Variants in TPP1 observed in about 807,000 individuals in gnomAD.
TPP1 encodes tripeptidyl peptidase 1.
A neutral mutation model predicts 67.6 loss-of-function variants in TPP1; 43 were observed. The observed-to-expected ratio is 0.64, with a 90% CI of 0.50 to 0.82. The LOEUF (loss-of-function observed/expected upper bound fraction) is 0.82. TPP1 is among the 40% of genes least tolerant of loss of function. The pLI is 0.00. For synonymous variants in TPP1, 272 were observed against 281.5 expected, an observed-to-expected ratio of 0.97 and a Z score of 0.34; for missense variants, 671 against 710.9, an observed-to-expected ratio of 0.94 and a Z score of 0.64.
At chr11:6,618,271 A>G (rs1186677671) in intron 3 of TPP1, 5 of 326,114 alleles carry the variant, frequency 1.5e-5, no homozygotes, top group South Asian at 1.1e-4. Flanking sequence ...CCTGCTGTGA[A>G]GGGCTTTAAC....
intron 1 of TPP1, 34 bp downstream of exon 1, chr11:6,619,350 G>T (rs766343177): frequency 3.7e-6 from 6 of 1,614,184 alleles, no homozygotes; most frequent in Non-Finnish European, 5.1e-6. Context: ...CCTCCAACGT[G>T]ATCCCTTTCT....
At chr11:6,618,060 A>C (rs1292172767) in intron 3 of TPP1, 1 of 473,474 alleles carries the variant, frequency 2.1e-6, no homozygotes, top group Admixed American at 3.6e-5. Flanking sequence ...AGGTTAATAC[A>C]TATAAATTTT....
In TPP1 at chr11:6,616,076, T is replaced by C. The variant is rs1424116749; in HGVS notation, c.1076-2A>G. ...ACCAACACCCGGCCCCACTGTCACC[T>C]GAGAGAGACCAAGTGTAGCATTCAT... is the stretch of plus-strand genomic sequence containing the variant. On this transcript the variant is annotated splice_acceptor_variant, in intron 8 of 12. Transcript: ENST00000299427. LOFTEE classifies it high-confidence loss of function. 9 of 1,614,178 alleles carry C rather than the reference T, an allele frequency of 5.6e-6. No homozygotes were observed. Among genetic ancestry groups the C allele is most frequent in the African/African-American group, 1.3e-5 (1 of 75,056 alleles).
intron 3 of TPP1, 187 bp downstream of exon 3, chr11:6,618,589 G>T (rs1855619884): frequency 1.3e-6 from 1 of 754,526 alleles, no homozygotes. Context: ...CTAGTAAGTA[G>T]CAGAGTCAGA....
At position 6,614,694 on chromosome 11, in the gene TPP1, G is replaced by A; in HGVS notation, c.1552-8C>T. ...ATGGCAGCCACGGGTTACCTAGGGA[G>A]GAGGCTGGCATCAGATCTGGGCCTA... On this transcript the variant is annotated splice_region_variant and splice_polypyrimidine_tract_variant and intron_variant, in intron 12 of 12. Coordinates refer to ENST00000299427, the MANE Select transcript of TPP1 (RefSeq NM_000391.4). 6.2e-7 allele frequency: 1 copy of A among 1,614,134 alleles called. No homozygotes were observed. The highest frequency in any genetic ancestry group is 8.5e-7 in the Non-Finnish European group (1 of 1,180,028).
chr11:6,618,853 A>C lies in TPP1; in HGVS notation c.152T>G (p.Phe51Cys). Residue 51 changes from phenylalanine (F) to cysteine (C), a missense_variant, in exon 3 of 13, where the codon TTT becomes TGT. Coordinates refer to ENST00000299427, the MANE Select transcript of TPP1 (RefSeq NM_000391.4). ...ADPEEELSLT[F>C]ALRQQNVERL... ...TTCCACATTCTGCTGTCTCAGGGCA[A>C]AGGTGAGACTCAGCTCTTCCTCAGG... 1 of 1,614,086 alleles carries C rather than the reference A, an allele frequency of 6.2e-7. No individual in the cohort carries two copies. The highest frequency in any genetic ancestry group is 8.5e-7 in the Non-Finnish European group (1 of 1,180,044).
intron 9 of TPP1, 68 bp from the exon 10 acceptor site, chr11:6,615,630 G>GT: frequency 6.3e-7 from 1 of 1,597,312 alleles, no homozygotes; most frequent in Non-Finnish European, 8.6e-7. Context: ...GTGGGGAGGG[G>GT]TGAGTATAGC....
At chr11:6,618,941 G>A (rs1426980890) in intron 2 of TPP1, 26 bp from the exon 3 acceptor site, 8 of 1,610,808 alleles carry the variant, frequency 5.0e-6, no homozygotes, top group Middle Eastern at 1.6e-4. Flanking sequence ...TCAGGGACAT[G>A]GCTTTGGTTA....
At position 6,616,060 on chromosome 11, in the gene TPP1, C is replaced by T. The variant is rs756237773; in HGVS notation, c.1090G>A (p.Gly364Arg). Reference sequence around the variant, plus strand: ...TGTCTTCCAGAGACAGACCAACACCCGGCCCCACTGTCACCTGAGAGAGAC... The same window carrying T: ...TGTCTTCCAGAGACAGACCAACACCTGGCCCCACTGTCACCTGAGAGAGAC... The part of the protein sequence containing the change: ...LLFASGDSGA[G>R]CWSVSGRHQF... Residue 364 changes from glycine to arginine, a missense_variant, in exon 9 of 13, where the codon GGG becomes AGG. Physicochemically the swap from Gly to Arg is moderately radical, Grantham distance 125. Coordinates refer to ENST00000299427, the MANE Select transcript of TPP1 (RefSeq NM_000391.4). 2.7e-5 allele frequency: 43 copies of T among 1,614,038 alleles called. No homozygotes were observed. Among genetic ancestry groups the T allele is most frequent in the African/African-American group, 5.3e-5 (4 of 74,914 alleles).
At chr11:6,617,254 C>T (rs777900703) in intron 5 of TPP1, 47 bp downstream of exon 5, 4 of 1,613,954 alleles carry the variant, frequency 2.5e-6, no homozygotes, top group Non-Finnish European at 2.5e-6. Context: ...ACTTCCTCAG[C>T]CCCTGGATCT....
intron 10 of TPP1, 39 bp from the exon 11 acceptor site, chr11:6,615,368 G>T (rs772086446): frequency 1.4e-5 from 22 of 1,614,126 alleles, no homozygotes; most frequent in Middle Eastern, 1.6e-4. Context: ...CATGTGGCCT[G>T]CCCAGCAGTC....
chr11:6,615,365 C>A (rs373139337), intron 10 of TPP1, 36 bp from the exon 11 acceptor site: 69 of 1,614,016 alleles, frequency 4.3e-5, no homozygotes, highest in African/African-American at 1.2e-4. Flanking sequence ...TGGCATGTGG[C>A]CTGCCCAGCA....
In TPP1 at chr11:6,613,855, G is replaced by A. The variant is rs1855534711; in HGVS notation, c.*691C>T. Reference sequence around the variant, plus strand: ...GTTGAGTATCACGCATCTTACATTTGAGGTATCAATCATTATTGGATAGAA... The same window carrying A: ...GTTGAGTATCACGCATCTTACATTTAAGGTATCAATCATTATTGGATAGAA... On this transcript the variant is annotated 3_prime_UTR_variant, in exon 13 of 13. Transcript: ENST00000299427. 1 of 152,912 alleles carries A rather than the reference G, an allele frequency of 6.5e-6. No individual in the cohort carries two copies. Among genetic ancestry groups the A allele is most frequent in the African/African-American group, 2.4e-5 (1 of 41,444 alleles). 9.5% of individuals were successfully genotyped at this position (152,912 alleles called of 1,614,324 possible).
At chr11:6,618,745 C>T (rs1442006423) in intron 3 of TPP1, 31 bp downstream of exon 3, 1 of 1,612,376 alleles carries the variant, frequency 6.2e-7, no homozygotes, top group Non-Finnish European at 8.5e-7. Context: ...TCCACCGCAT[C>T]CCACATCCTG....
Position 6,618,910 on chromosome 11 carries a change from G to A in TPP1, c.95C>T (p.Pro32Leu). The change falls in exon 3 of 13, where the codon CCC (proline) becomes CTC (leucine). Residue 32 changes from proline (P) to leucine (L), a missense_variant. Transcript: ENST00000299427. ...ACGGCCCAGGGACACCCAGCCTGGG[G>A]GCAGCCTGTAGGGTCAGGGGTCAGG... ...SPEPDQRRTL[P>L]PGWVSLGRAD... is the part of the protein sequence containing the mutation. The A allele has an allele frequency of 6.2e-7, 1 of 1,613,230 alleles. No homozygotes were observed. The highest frequency in any genetic ancestry group is 8.5e-7 in the Non-Finnish European group (1 of 1,180,032).
rs530326282 is a variant in TPP1 at position 6,613,065 on chromosome 11, G to A, written c.*1481C>T. On this transcript the variant is annotated 3_prime_UTR_variant, in exon 13 of 13. Coordinates refer to ENST00000299427, the MANE Select transcript of TPP1 (RefSeq NM_000391.4). ...CTGGTGATTATGAAAGGCAGGTATT[G>A]ATATTCACACTTAACAGACGAGGAA... 2.0e-5 allele frequency: 3 copies of A among 152,558 alleles called. No individual in the cohort carries two copies. The East Asian group carries it at 5.8e-4, about 29-fold the overall frequency. 9.5% of individuals were successfully genotyped at this position (152,558 alleles called of 1,614,324 possible).
rs1564855682 is a variant in TPP1 at position 6,617,535 on chromosome 11, C to A, written c.380+91G>T. On this transcript the variant is annotated intron_variant, in intron 4 of 12. Coordinates refer to ENST00000299427, the MANE Select transcript of TPP1 (RefSeq NM_000391.4). ...CTGTCTCCCCATGCATTAGCTCCCA[C>A]CCACAAGCCCCAGCAAGCTCTCAAC... The A allele has an allele frequency of 6.8e-6, 11 of 1,612,882 alleles. No homozygotes were observed. The South Asian group carries it at 8.8e-5, about 13-fold the overall frequency.
At position 6,615,521 on chromosome 11, in the gene TPP1, G is replaced by C; in HGVS notation, c.1187C>G (p.Pro396Arg). The C allele has an allele frequency of 6.2e-7, 1 of 1,614,206 alleles. No homozygotes were observed. The highest frequency in any genetic ancestry group is 2.2e-5 in the East Asian group (1 of 44,892). Residue 396 changes from proline to arginine, a missense_variant, in exon 10 of 13, where the codon CCT becomes CGT. Coordinates refer to ENST00000299427, the MANE Select transcript of TPP1 (RefSeq NM_000391.4). ...AACAATTTCATTTGTGATGAGGAAA[G>C]GTTCCTGGAAGGATGTGCCTCCCAC... is the stretch of plus-strand genomic sequence containing the variant. ...TTVGGTSFQEPFLITNEIVDY... is the reference protein window; with the variant it reads ...TTVGGTSFQERFLITNEIVDY...
At chr11:6,617,184 T>A in intron 5 of TPP1, 31 bp from the exon 6 acceptor site, 1 of 1,613,982 alleles carries the variant, frequency 6.2e-7, no homozygotes, top group East Asian at 2.2e-5. Flanking sequence ...TGAGGAGATC[T>A]TATAGACTGT....
Sources: gnomAD v4.1 joint callset for allele counts on GRCh38, gnomAD v4.1.1 for gene constraint, MANE v1.5 for transcripts, NCBI Gene and HGNC (gene_info 2026-07-23, HGNC 2026-07-21) for gene names.